The following PRAMEF19 variants were observed in gnomAD, a reference collection of about 807,000 sequenced individuals.
PRAMEF19 encodes PRAME family member 19.
PRAMEF19 carries 21 observed loss-of-function variants against 33.1 expected under a neutral mutation model. The ratio of observed to expected loss-of-function variants is 0.63; its 90% CI spans 0.45 to 0.91. The LOEUF is 0.91. Ranked by LOEUF, PRAMEF19 falls within the 40% of genes least tolerant of loss-of-function variation. The pLI, the probability that PRAMEF19 is intolerant of heterozygous loss-of-function variation, is 0.00. For synonymous variants in PRAMEF19, 179 were observed against 229.3 expected, an observed-to-expected ratio of 0.78 and a Z score of 1.98; for missense variants, 481 against 585.2, an observed-to-expected ratio of 0.82 and a Z score of 1.84.
At chr1:13,370,331 T>C (rs1640655112) in intron 2 of PRAMEF19, among the ~76,000 whole-genome samples, 1 of 152,306 alleles carries the variant, frequency 6.6e-6, no homozygotes, top group Admixed American at 6.5e-5. Context: ...ATACTTATCA[T>C]ATTAACTTTA....
At chr1:13,371,813 C>G in exon 1 of PRAMEF19, 1 of 1,611,938 alleles carries the variant, frequency 6.2e-7, no homozygotes, top group Non-Finnish European at 8.5e-7. Flanking sequence ...CTGGGCAGCT[C>G]ATCCAGGACG....
chr1:13,368,798 G>C (rs1373435416), downstream of PRAMEF19, among the ~76,000 whole-genome samples: 7,248 of 151,998 alleles, frequency 0.048, 341 homozygotes, highest in East Asian at 0.26. Flanking sequence ...GCCTGAAACA[G>C]AGGTTTCTCT....
rs1484326794 is a variant in PRAMEF19, at chr1:13,370,795, G to A, written c.720C>T (p.Ser240=). ...AGCTTGGCAGGTAACCACAGCCATC[G>A]GAGATGAAGAGTTTTCGAAGATTCT... The change falls in exon 2 of 3, where the codon TCC becomes TCT. Residue 240 remains serine, a synonymous_variant. Coordinates refer to ENST00000376101, the Ensembl canonical transcript of PRAMEF19. The A allele has an allele frequency of 7.8e-5, 126 of 1,613,924 alleles. 1 individual carries two copies. Among genetic ancestry groups the A allele is most frequent in the Admixed American group, 1.7e-4 (10 of 60,006 alleles).
chr1:13,368,756 T>G (rs1640630437), downstream of PRAMEF19, among the ~76,000 whole-genome samples: 2 of 152,110 alleles, frequency 1.3e-5, no homozygotes, highest in African/African-American at 4.8e-5. Flanking sequence ...TGGGTTTTTT[T>G]GTGTTTTTTT....
At chr1:13,369,359 C>T (rs765510606) in exon 3 of PRAMEF19, 1 of 1,612,176 alleles carries the variant, frequency 6.2e-7, no homozygotes, top group Non-Finnish European at 8.5e-7. Flanking sequence ...GCCGTGAAAG[C>T]AGAAAGTGGT....
chr1:13,368,934 G>A (rs1640632997), downstream of PRAMEF19: 3 of 1,370,846 alleles, frequency 2.2e-6, no homozygotes, highest in African/African-American at 2.9e-5. Context: ...ACAACATAGG[G>A]AAACCCTGTC....
At chr1:13,370,139 T>G (rs1640652800) in intron 2 of PRAMEF19, among the ~76,000 whole-genome samples, 4 of 152,230 alleles carry the variant, frequency 2.6e-5, no homozygotes, top group Admixed American at 2.6e-4. Flanking sequence ...AACAACCTTT[T>G]ACAGACAGGG....
At chr1:13,368,749 GTTTT>G (rs1165587382), downstream of PRAMEF19, among the ~76,000 whole-genome samples, 9 of 151,976 alleles carry the variant, frequency 5.9e-5, no homozygotes, top group East Asian at 1.9e-4. Flanking sequence ...CCCCTGCTGG[GTTTT>G]TTTGTGTTTT....
At chr1:13,370,533 A>G (rs1389586606) in intron 2 of PRAMEF19, 116 bp downstream of exon 2, 56,665 of 1,342,694 alleles carry the variant, frequency 0.042, 2,299 homozygotes, top group East Asian at 0.24. Flanking sequence ...GCATTCTAGT[A>G]TCCCCTTCCC....
exon 3 of PRAMEF19, chr1:13,369,094 A>C: frequency 6.2e-7 from 1 of 1,611,970 alleles, no homozygotes. Context: ...GCAAGCAAAA[A>C]TTGAACTCCA....
rs1278285136 is a variant in PRAMEF19 at position 13,370,262 on chromosome 1, C to CT, written c.866+386dup. The stretch of plus-strand genomic sequence containing the variant: ...TTTTACACCCTCCCCTCTGTTGCCT[C>CT]TTTTTTATCATATTAACTTTAAACA... On this transcript the variant is annotated intron_variant, in intron 2 of 2. Transcript: ENST00000376101. 2.0e-5 allele frequency among the ~76,000 whole-genome samples: 3 copies of CT among 152,292 alleles called. No homozygotes were observed. The South Asian group carries it at 6.2e-4, about 31-fold the overall frequency.
chr1:13,370,559 G>A, intron 2 of PRAMEF19, 90 bp downstream of exon 2: 1 of 1,522,400 alleles, frequency 6.6e-7, no homozygotes, highest in Middle Eastern at 2.3e-4. Context: ...ATCTCCAGTG[G>A]CTGGCACACA....
At chr1:13,368,706 A>T (rs1640629661), downstream of PRAMEF19, among the ~76,000 whole-genome samples, 1 of 152,186 alleles carries the variant, frequency 6.6e-6, no homozygotes, top group African/African-American at 2.4e-5. Context: ...CCTGAGTCTC[A>T]GTGACTCCAT....
exon 2 of PRAMEF19, chr1:13,370,869 A>G (rs2100383778): frequency 6.2e-7 from 1 of 1,614,000 alleles, no homozygotes; most frequent in East Asian, 2.2e-5. Flanking sequence ...CACGGCCAGC[A>G]CATGTTCCAA....
exon 2 of PRAMEF19, chr1:13,370,988 C>T (rs1346406958): frequency 1.2e-5 from 20 of 1,611,952 alleles, no homozygotes; most frequent in African/African-American, 6.7e-5. Flanking sequence ...GTGTACTGAA[C>T]GTCTTCTGTG....
At chr1:13,370,757 C>T (rs1283383837) in exon 2 of PRAMEF19, 63,752 of 1,612,018 alleles carry the variant, frequency 0.04, 1,508 homozygotes, top group Non-Finnish European at 0.043. Flanking sequence ...AACTAACTGT[C>T]CTTGGCTCTC....
At chr1:13,369,122 A>G (rs566003715) in exon 3 of PRAMEF19, 22 of 1,611,966 alleles carry the variant, frequency 1.4e-5, no homozygotes, top group Admixed American at 6.7e-5. Context: ...AGTGGGTGAC[A>G]TGCCACAGCA....
chr1:13,371,736 C>T, exon 1 of PRAMEF19: 1 of 1,610,026 alleles, frequency 6.2e-7, no homozygotes. Flanking sequence ...AGGCCTGCAC[C>T]ATCACCTTCA....
chr1:13,369,742 T>C (rs1215008995), intron 2 of PRAMEF19, 102 bp from the exon 3 acceptor site: 5 of 1,499,622 alleles, frequency 3.3e-6, no homozygotes, highest in Non-Finnish European at 4.6e-6. Context: ...AACACAAGTT[T>C]GTTCTCATCA....
Sources: allele counts gnomAD v4.1 joint callset (sites outside exome capture counted in the v4.1 genomes callset), GRCh38; gene constraint gnomAD v4.1.1; transcripts MANE v1.5; gene names NCBI Gene and HGNC (gene_info 2026-07-23, HGNC 2026-07-21).